The following FAM47E variants were observed in gnomAD, a reference collection of about 807,000 sequenced individuals.
FAM47E encodes protein FAM47E.
FAM47E carries 32 observed loss-of-function variants against 41.6 expected under a neutral mutation model. That is an observed-to-expected ratio of 0.77 (90% confidence interval 0.58 to 1.03). FAM47E has a LOEUF of 1.03. Among genes scored for constraint, FAM47E ranks in the 50% least tolerant of loss-of-function variants. The pLI, the probability that FAM47E is intolerant of heterozygous loss-of-function variation, is 0.00. For missense variants in FAM47E, 424 were observed against 485.4 expected (o/e 0.87, Z 1.19); for synonymous variants, 184 against 188.7 (o/e 0.98, Z 0.20).
At chr4:76,236,978 C>G (rs1412864655) in intron 2 of FAM47E, among the ~76,000 whole-genome samples, 1 of 150,840 alleles carries the variant, frequency 6.6e-6, no homozygotes, top group Admixed American at 6.6e-5. Context: ...TCACTGCAAG[C>G]TCCGTCTCCC....
chr4:76,227,004 G>GTTTC (rs1733409866), intron 2 of FAM47E, among the ~76,000 whole-genome samples: 1 of 151,084 alleles, frequency 6.6e-6, no homozygotes, highest in Non-Finnish European at 1.5e-5. Flanking sequence ...TTCGAATTTT[G>GTTTC]TTTGTTTGTT....
chr4:76,282,498 T>C (rs1735397797), intron 7 of FAM47E: 1 of 152,252 alleles, frequency 6.6e-6, no homozygotes, highest in Non-Finnish European at 1.5e-5. Flanking sequence ...CGTCCGTTCA[T>C]AGGCTGTCTG....
At chr4:76,225,259 G>T (rs1384545655) in intron 2 of FAM47E, among the ~76,000 whole-genome samples, 1 of 152,184 alleles carries the variant, frequency 6.6e-6, no homozygotes, top group African/African-American at 2.4e-5. Context: ...ACATGTGCAA[G>T]TGTCTTTTTC....
At chr4:76,264,038 C>T (rs563063805) in intron 3 of FAM47E, among the ~76,000 whole-genome samples, 195 bp downstream of exon 3, 9 of 152,288 alleles carry the variant, frequency 5.9e-5, no homozygotes, top group Non-Finnish European at 1.2e-4. Flanking sequence ...ATTTATCCAG[C>T]GACGACGCAG....
At chr4:76,227,114 C>A (rs942667723) in intron 2 of FAM47E, among the ~76,000 whole-genome samples, 2 of 151,948 alleles carry the variant, frequency 1.3e-5, no homozygotes, top group African/African-American at 4.8e-5. Context: ...GAGGTGTGAC[C>A]TTAGAGTGTC....
At chr4:76,228,995 A>G (rs974187440) in intron 2 of FAM47E, among the ~76,000 whole-genome samples, 2 of 152,182 alleles carry the variant, frequency 1.3e-5, no homozygotes, top group African/African-American at 2.4e-5. Context: ...GCTGTTTAAC[A>G]TAATCCCTAA....
chr4:76,251,027 A>G (rs1251036180), upstream of FAM47E, among the ~76,000 whole-genome samples: 2 of 152,180 alleles, frequency 1.3e-5, no homozygotes, highest in East Asian at 3.8e-4. Context: ...GTGCATAATT[A>G]TTAAGTAGCA....
At chr4:76,280,380 C>A (rs1178522852) in intron 7 of FAM47E, 39 bp downstream of exon 7, 16 of 1,177,714 alleles carry the variant, frequency 1.4e-5, no homozygotes, top group Non-Finnish European at 2.0e-5. Flanking sequence ...TGCTGAGGGG[C>A]TTCATGGCTC....
chr4:76,273,292 TA>T (rs974222081), intron 5 of FAM47E, among the ~76,000 whole-genome samples: 1 of 152,220 alleles, frequency 6.6e-6, no homozygotes, highest in African/African-American at 2.4e-5. Flanking sequence ...TGTTTATTTC[TA>T]GAATTTTCCA....
chr4:76,228,931 C>CT (rs1482864094), intron 2 of FAM47E, among the ~76,000 whole-genome samples: 1 of 20,350 alleles, frequency 4.9e-5, no homozygotes, highest in Non-Finnish European at 2.0e-3. Flanking sequence ...AAATAAATTT[C>CT]CCAACTTTTA....
At chr4:76,273,387 G>A (rs1374773426) in intron 5 of FAM47E, among the ~76,000 whole-genome samples, 1 of 152,170 alleles carries the variant, frequency 6.6e-6, no homozygotes, top group Non-Finnish European at 1.5e-5. Flanking sequence ...TTTGTATTTT[G>A]TGGGAAAAGA....
intron 2 of FAM47E, among the ~76,000 whole-genome samples, chr4:76,238,888 C>G (rs1733643329): frequency 6.6e-6 from 1 of 152,146 alleles, no homozygotes; most frequent in Non-Finnish European, 1.5e-5. Flanking sequence ...TCTTGCAAAA[C>G]TGTATTCATT....
At chr4:76,253,803 C>G (rs114597706) in intron 1 of FAM47E, among the ~76,000 whole-genome samples, 2,993 of 84,988 alleles carry the variant, frequency 0.035, 74 homozygotes, top group Middle Eastern at 0.11. Flanking sequence ...AACCCTGTCT[C>G]GAATTAAAAA....
intron 2 of FAM47E, among the ~76,000 whole-genome samples, chr4:76,227,814 TAA>T (rs753024400): frequency 5.4e-4 from 82 of 152,376 alleles, no homozygotes; most frequent in Non-Finnish European, 1.0e-3. Flanking sequence ...GTTGTTGCTT[TAA>T]AGTCTGTTTT....
chr4:76,247,627 T>C (rs2109996302), upstream of FAM47E, among the ~76,000 whole-genome samples: 1 of 152,292 alleles, frequency 6.6e-6, no homozygotes, highest in East Asian at 1.9e-4. Context: ...GTTTTTATTA[T>C]TATAACCATC....
intron 2 of FAM47E, among the ~76,000 whole-genome samples, chr4:76,219,492 G>C (rs541828916): frequency 1.7e-4 from 26 of 152,304 alleles, no homozygotes; most frequent in African/African-American, 5.8e-4. Context: ...CTGATTTCCT[G>C]CATGTTGTGA....
chr4:76,264,991 G>A (rs1221515463), intron 3 of FAM47E, among the ~76,000 whole-genome samples: 1 of 152,230 alleles, frequency 6.6e-6, no homozygotes, highest in East Asian at 1.9e-4. Context: ...GACACTTAGA[G>A]GAGTGTGGAC....
chr4:76,277,958 C>T, intron 5 of FAM47E, 111 bp from the exon 6 acceptor site: 1 of 1,287,044 alleles, frequency 7.8e-7, no homozygotes, highest in Non-Finnish European at 1.0e-6. Flanking sequence ...TGGCAAGGAC[C>T]AACCTAAATT....
At chr4:76,223,233 C>T (rs981414092) in intron 2 of FAM47E, among the ~76,000 whole-genome samples, 4 of 152,150 alleles carry the variant, frequency 2.6e-5, no homozygotes, top group African/African-American at 9.7e-5. Flanking sequence ...CTGCAAGTGG[C>T]TTAACCAAGT....
Sources: allele counts gnomAD v4.1 joint callset (sites outside exome capture counted in the v4.1 genomes callset), GRCh38; gene constraint gnomAD v4.1.1; transcripts MANE v1.5; gene names NCBI Gene and HGNC (gene_info 2026-07-23, HGNC 2026-07-21).